Variants in NFE2L3 observed in about 807,000 individuals in gnomAD.
The protein encoded by NFE2L3 is NFE2 like bZIP transcription factor 3, also known as nuclear factor erythroid 2-related factor 3.
A neutral mutation model predicts 23.5 loss-of-function variants in NFE2L3; 18 were observed. The observed-to-expected ratio is 0.77, with a 90% CI of 0.53 to 1.13. The LOEUF is 1.13. NFE2L3 is among the 50% of genes most tolerant of loss of function. The probability of loss-of-function intolerance (pLI) is 0.00; values close to 1 mark genes in which losing one functional copy is unlikely to be tolerated. For synonymous variants in NFE2L3, 424 were observed against 354.5 expected, an observed-to-expected ratio of 1.20 and a Z score of -2.20; for missense variants, 1,152 against 877.2, an observed-to-expected ratio of 1.31 and a Z score of -3.96.
intron 1 of NFE2L3, among the ~76,000 whole-genome samples, chr7:26,161,869 G>A (rs1214260807): frequency 1.3e-5 from 2 of 152,098 alleles, no homozygotes; most frequent in African/African-American, 2.4e-5. Flanking sequence ...AATGCCAGGC[G>A]CAGTGGCTCT....
At chr7:26,179,809 G>A (rs1042533503) in intron 2 of NFE2L3, among the ~76,000 whole-genome samples, 43 of 152,158 alleles carry the variant, frequency 2.8e-4, no homozygotes, top group Admixed American at 1.2e-3. Context: ...GAGGGTGTGG[G>A]GTGCTAAGAA....
At chr7:26,168,558 TA>T (rs1784286718) in intron 1 of NFE2L3, among the ~76,000 whole-genome samples, 1 of 148,342 alleles carries the variant, frequency 6.7e-6, no homozygotes, top group Admixed American at 6.8e-5. Context: ...AGATTATATA[TA>T]ATATATATAG....
Position 26,153,092 on chromosome 7 carries a change from C to A in NFE2L3, c.570+24C>A, listed in dbSNP as rs913528257. The A allele has an allele frequency of 4.0e-6, 6 of 1,505,832 alleles. No individual in the cohort carries two copies. In the African/African-American group the frequency reaches 7.2e-5, roughly 18 times the overall value. The allele number at this position is 1,505,832 out of a possible 1,614,324, so 93.3% of individuals were successfully genotyped here. ...AGGTAGGTGCAGAGCGGGAAGCGAG[C>A]GAAGTGCGGCGTCTACGCCGCCGGG... On this transcript the variant is annotated intron_variant, in intron 1 of 3. Transcript: ENST00000056233.
chr7:26,178,680 TC>T (rs1784457391), intron 2 of NFE2L3, among the ~76,000 whole-genome samples: 1 of 152,122 alleles, frequency 6.6e-6, no homozygotes, highest in South Asian at 2.1e-4. Context: ...AAAGATGAAC[TC>T]CCGGAGCCAG....
intron 3 of NFE2L3, chr7:26,184,266 G>A (rs1562679591): frequency 2.4e-6 from 1 of 418,398 alleles, no homozygotes; most frequent in Admixed American, 4.2e-5. Context: ...TTACAAGATT[G>A]TAACATTAGA....
intron 1 of NFE2L3, among the ~76,000 whole-genome samples, chr7:26,159,490 A>T (rs527320041): frequency 6.6e-6 from 1 of 152,312 alleles, no homozygotes; most frequent in South Asian, 2.1e-4. Context: ...TTCACCTGAA[A>T]TAGCACCCAG....
At chr7:26,164,868 C>T (rs908358697) in intron 1 of NFE2L3, among the ~76,000 whole-genome samples, 7 of 152,322 alleles carry the variant, frequency 4.6e-5, no homozygotes, top group Middle Eastern at 6.8e-3. Context: ...TTTCAGCTTT[C>T]TACATATGGC....
chr7:26,187,112 C>G lies in NFE2L3; in HGVS notation c.*1329C>G, dbSNP rs932980118. On this transcript the variant is annotated 3_prime_UTR_variant, in exon 4 of 4. Transcript: ENST00000056233. ...CCGTTGGATTTTTATAATAAAGTTT[C>G]CCAAGACCTGTTATTTTGCCAGAAA... 1.3e-5 allele frequency: 2 copies of G among 152,128 alleles called. No individual in the cohort carries two copies. The highest frequency in any genetic ancestry group is 4.8e-5 in the African/African-American group (2 of 41,422). 9.4% of individuals were successfully genotyped at this position (152,128 alleles called of 1,614,324 possible). A position where few individuals can be genotyped will look rare whatever the true frequency, so the allele number is the denominator to read the frequency against.
chr7:26,177,157 G>C (rs1487372879), intron 1 of NFE2L3, among the ~76,000 whole-genome samples: 1 of 151,850 alleles, frequency 6.6e-6, no homozygotes, highest in Non-Finnish European at 1.5e-5. Context: ...CCAGACGATG[G>C]GTGGCCAGGC....
rs767309883 is a variant in NFE2L3, at chr7:26,185,430, C to T, written c.1732C>T (p.Leu578Phe). The change falls in exon 4 of 4, where the codon CTT (leucine) becomes TTT (phenylalanine). Residue 578 changes from leucine (L) to phenylalanine (F), a missense_variant. By Grantham distance (22) the Leu-to-Phe change is conservative (BLOSUM62 0). Transcript: ENST00000056233. ...RYYLTDLQVS[L>F]IRDIRRRGKN... is the part of the protein sequence containing the mutation. ...TTATCTGACAGACCTACAAGTCTCA[C>T]TTATCCGTGACATCAGACGAAGAGG... 9 of 1,614,094 alleles carry T rather than the reference C, an allele frequency of 5.6e-6. No homozygotes were observed. Among genetic ancestry groups the T allele is most frequent in the Non-Finnish European group, 5.9e-6 (7 of 1,179,960 alleles).
At position 26,184,647 on chromosome 7, in the gene NFE2L3, G is replaced by A; in HGVS notation, c.949G>A (p.Glu317Lys). 1.9e-6 allele frequency: 3 copies of A among 1,613,904 alleles called. No individual in the cohort carries two copies. Among genetic ancestry groups the A allele is most frequent in the Non-Finnish European group, 2.5e-6 (3 of 1,179,840 alleles). ...TATAAGTCAGGATGTGAATCTTCAT[G>A]AGGCCATCTTGCTTTGTCCCAACAA... is the stretch of plus-strand genomic sequence containing the variant. Reference protein sequence around the residue: ...QAISQDVNLHEAILLCPNNTF... With the variant: ...QAISQDVNLHKAILLCPNNTF... The change falls in exon 4 of 4, where the codon GAG (glutamate) becomes AAG (lysine). Residue 317 changes from glutamate to lysine, a missense_variant. Physicochemically the swap from Glu to Lys is moderately conservative, Grantham distance 56. Transcript: ENST00000056233.
At chr7:26,155,371 G>A (rs372042665) in intron 1 of NFE2L3, among the ~76,000 whole-genome samples, 7 of 152,314 alleles carry the variant, frequency 4.6e-5, no homozygotes, top group Non-Finnish European at 8.8e-5. Flanking sequence ...GAATCTGGGC[G>A]GCGGAGGTTG....
intron 1 of NFE2L3, among the ~76,000 whole-genome samples, chr7:26,158,863 C>A (rs1193179007): frequency 6.6e-6 from 1 of 152,174 alleles, no homozygotes; most frequent in Non-Finnish European, 1.5e-5. Flanking sequence ...TTCTTAAGTG[C>A]TCTGAGCCTT....
At chr7:26,176,454 C>G (rs1414226464) in intron 1 of NFE2L3, among the ~76,000 whole-genome samples, 86 of 151,952 alleles carry the variant, frequency 5.7e-4, no homozygotes, top group African/African-American at 2.0e-3. Flanking sequence ...CAGAGGCGCT[C>G]CTCACTTCCC....
chr7:26,156,023 T>G (rs948541177), intron 1 of NFE2L3, among the ~76,000 whole-genome samples: 2 of 152,214 alleles, frequency 1.3e-5, no homozygotes, highest in Admixed American at 1.3e-4. Context: ...TTGGCTTGTC[T>G]GCATATCTAG....
rs1285599979 is a variant in NFE2L3, at chr7:26,155,429, G to A, written c.570+2361G>A. ...TGAACTCCAGCCTGGGTGACAGAGT[G>A]AGACTCTGTCTCAAAAAGAAAAAAA... On this transcript the variant is annotated intron_variant, in intron 1 of 3. Coordinates refer to ENST00000056233, the MANE Select transcript of NFE2L3 (RefSeq NM_004289.7). Among the ~76,000 whole-genome samples, 3 of 152,216 alleles carry A rather than the reference G, an allele frequency of 2.0e-5. No individual in the cohort carries two copies. In the East Asian group the frequency reaches 5.8e-4, roughly 29 times the overall value.
intron 1 of NFE2L3, among the ~76,000 whole-genome samples, chr7:26,166,317 A>G (rs918119889): frequency 5.9e-5 from 9 of 152,092 alleles, no homozygotes; most frequent in Admixed American, 5.2e-4. Context: ...CATGGAGGAA[A>G]TGCTCTGACC....
intron 1 of NFE2L3, among the ~76,000 whole-genome samples, chr7:26,161,361 T>TGG (rs1784169339): frequency 1.0e-5 from 1 of 100,200 alleles, no homozygotes; most frequent in African/African-American, 4.9e-5. Flanking sequence ...TTTTTTTTTT[T>TGG]TTTGGGTCTT....
chr7:26,175,853 C>CT (rs70943276), intron 1 of NFE2L3, among the ~76,000 whole-genome samples: 4,356 of 111,586 alleles, frequency 0.039, 116 homozygotes, highest in East Asian at 0.15. Flanking sequence ...ATTTTCTTTT[C>CT]TTTTTTTTTT....
Sources: allele counts gnomAD v4.1 joint callset (sites outside exome capture counted in the v4.1 genomes callset), GRCh38; gene constraint gnomAD v4.1.1; transcripts MANE v1.5; gene names NCBI Gene and HGNC (gene_info 2026-07-23, HGNC 2026-07-21).